Variants in WDR25 observed in about 807,000 individuals in gnomAD.
WDR25 encodes the protein WD repeat domain 25.
In WDR25, 35 loss-of-function variants were observed where a neutral mutation model predicts 47.7. That is an observed-to-expected ratio of 0.73 (90% CI 0.56 to 0.97). The LOEUF (loss-of-function observed/expected upper bound fraction) is 0.97, where lower values mean the gene tolerates loss of function less well. WDR25 is among the 50% of genes least tolerant of loss of function. The pLI is 0.00. For missense variants in WDR25, 634 were observed against 704.7 expected (o/e 0.90, Z 1.14); for synonymous variants, 248 against 278.9 (o/e 0.89, Z 1.10).
rs139856699 is a variant in WDR25 at position 100,426,928 on chromosome 14, C to T, written c.823-41093C>T. Among the ~76,000 whole-genome samples, 270 of 152,280 alleles carry T rather than the reference C, an allele frequency of 1.8e-3. 2 individuals carry two copies. The highest frequency in any genetic ancestry group is 6.3e-3 in the African/African-American group (263 of 41,552). On this transcript the variant is annotated intron_variant, in intron 2 of 6. Transcript: ENST00000402312. ...GTGTCTATTACTTGTGTGGTGGTTTCTCTAGTGGCAGCTAGTGAAATCTCA... is the reference window on the plus strand; with the variant it reads ...GTGTCTATTACTTGTGTGGTGGTTTTTCTAGTGGCAGCTAGTGAAATCTCA...
At chr14:100,388,820 C>T (rs1433181272) in intron 2 of WDR25, among the ~76,000 whole-genome samples, 3 of 152,122 alleles carry the variant, frequency 2.0e-5, no homozygotes, top group African/African-American at 7.2e-5. Flanking sequence ...TTCAGTGTAC[C>T]AAGGGCGGGG....
intron 1 of WDR25, among the ~76,000 whole-genome samples, chr14:100,379,480 C>G (rs1376679144): frequency 6.6e-6 from 1 of 151,102 alleles, no homozygotes; most frequent in Non-Finnish European, 1.5e-5. Context: ...CTCCACCTCC[C>G]GGGTTCAAGC....
chr14:100,460,195 C>T (rs936790599), intron 2 of WDR25, among the ~76,000 whole-genome samples: 2 of 150,422 alleles, frequency 1.3e-5, no homozygotes, highest in African/African-American at 4.9e-5. Flanking sequence ...TTACTGCAAG[C>T]TCCACCTCCT....
chr14:100,452,494 C>T (rs901474179), intron 2 of WDR25, among the ~76,000 whole-genome samples: 2 of 152,150 alleles, frequency 1.3e-5, no homozygotes, highest in African/African-American at 2.4e-5. Flanking sequence ...GTTCAGGGAA[C>T]ATCTCTCTGA....
At chr14:100,434,661 A>G (rs1898445751) in intron 2 of WDR25, among the ~76,000 whole-genome samples, 1 of 152,146 alleles carries the variant, frequency 6.6e-6, no homozygotes, top group African/African-American at 2.4e-5. Context: ...TGTGTGAACC[A>G]CGGACATTTC....
At chr14:100,451,758 A>G (rs1378388816) in intron 2 of WDR25, among the ~76,000 whole-genome samples, 1 of 152,212 alleles carries the variant, frequency 6.6e-6, no homozygotes, top group Admixed American at 6.5e-5. Flanking sequence ...CATACAGTCC[A>G]ACTGGATGAC....
intron 2 of WDR25, among the ~76,000 whole-genome samples, chr14:100,439,990 G>A (rs1490833364): frequency 6.6e-6 from 1 of 152,198 alleles, no homozygotes; most frequent in African/African-American, 2.4e-5. Flanking sequence ...TCCAGTGCAT[G>A]TTCAGGTCCA....
chr14:100,400,026 T>A (rs967561761), intron 2 of WDR25, among the ~76,000 whole-genome samples: 1 of 152,176 alleles, frequency 6.6e-6, no homozygotes, highest in Non-Finnish European at 1.5e-5. Flanking sequence ...TTTAAAGGAC[T>A]TGGGGGAAAG....
Position 100,410,200 on chromosome 14 carries a change from A to C in WDR25, c.822+28454A>C, listed in dbSNP as rs1465099128. 2.0e-5 allele frequency among the ~76,000 whole-genome samples: 3 copies of C among 152,116 alleles called. No individual in the cohort carries two copies. The East Asian group carries it at 5.8e-4, about 29-fold the overall frequency. ...AAAGCCAGCGCTCCCTTCGTCAAAC[A>C]CGTCAGTGCTCGTCCCTGGCCTAGG... On this transcript the variant is annotated intron_variant, in intron 2 of 6. Coordinates refer to ENST00000402312, the MANE Select transcript of WDR25 (RefSeq NM_001161476.3).
rs1005012709 is a variant in WDR25, at chr14:100,499,689, A to G, written c.1101+15565A>G. ...GGAAGAAAGCCACCTCCTTCTTGAG[A>G]CAGGAAGGAAGTGGGGCTGGGAGAT... On this transcript the variant is annotated intron_variant, in intron 4 of 6. Coordinates refer to ENST00000402312, the MANE Select transcript of WDR25 (RefSeq NM_001161476.3). This position sits in a 1 kb window ranked among gnomAD's most constrained non-coding sequence, Gnocchi z 4.4. 2.6e-5 allele frequency among the ~76,000 whole-genome samples: 4 copies of G among 152,108 alleles called. No homozygotes were observed. Among genetic ancestry groups the G allele is most frequent in the Non-Finnish European group, 4.4e-5 (3 of 68,032 alleles).
intron 4 of WDR25, among the ~76,000 whole-genome samples, chr14:100,520,892 C>CTG (rs2029870156): frequency 6.6e-6 from 1 of 152,166 alleles, no homozygotes; most frequent in Non-Finnish European, 1.5e-5. Flanking sequence ...CCCAAAGTAA[C>CTG]TGTGCTTCAG....
intron 2 of WDR25, among the ~76,000 whole-genome samples, chr14:100,390,424 T>TGTGTGTGTGTGC (rs1490326358): frequency 2.1e-5 from 3 of 144,714 alleles, no homozygotes; most frequent in Non-Finnish European, 4.6e-5. Flanking sequence ...TGTGTGTGTG[T>TGTGTGTGTGTGC]GTGCATGCAC....
At chr14:100,379,354 C>T (rs2140132123) in intron 1 of WDR25, among the ~76,000 whole-genome samples, 1 of 150,816 alleles carries the variant, frequency 6.6e-6, no homozygotes, top group African/African-American at 2.4e-5. Flanking sequence ...GTCTCTTTCT[C>T]TGTAGGCATT....
intron 5 of WDR25, among the ~76,000 whole-genome samples, chr14:100,528,369 G>C (rs1227610459): frequency 6.6e-6 from 1 of 151,858 alleles, no homozygotes; most frequent in Non-Finnish European, 1.5e-5. Context: ...AGCCCTCCAA[G>C]CCAGCATCTT....
At chr14:100,405,061 A>G (rs2140178219) in intron 2 of WDR25, among the ~76,000 whole-genome samples, 1 of 151,800 alleles carries the variant, frequency 6.6e-6, no homozygotes, top group East Asian at 1.9e-4. Flanking sequence ...TGAATTTTTT[A>G]TCTGTGGAAG....
At chr14:100,433,465 TG>T (rs1484405266) in intron 2 of WDR25, among the ~76,000 whole-genome samples, 1 of 152,256 alleles carries the variant, frequency 6.6e-6, no homozygotes, top group African/African-American at 2.4e-5. Flanking sequence ...GTTTCTTCAG[TG>T]TAGTTAATAT....
intron 2 of WDR25, among the ~76,000 whole-genome samples, chr14:100,462,950 C>T (rs944855649): frequency 1.1e-5 from 1 of 93,140 alleles, no homozygotes; most frequent in South Asian, 5.0e-4. Flanking sequence ...TCTCTTCTCT[C>T]CCCCTTCCTC....
At chr14:100,507,654 T>G (rs1416375993) in intron 4 of WDR25, among the ~76,000 whole-genome samples, 1 of 151,530 alleles carries the variant, frequency 6.6e-6, no homozygotes, top group Non-Finnish European at 1.5e-5. Context: ...TATTTGTGTT[T>G]TTTTTTTTTT....
At chr14:100,418,591 T>A (rs1296892841) in intron 2 of WDR25, among the ~76,000 whole-genome samples, 1 of 150,416 alleles carries the variant, frequency 6.6e-6, no homozygotes, top group Non-Finnish European at 1.5e-5. Flanking sequence ...GAGCCAAGAT[T>A]GTGCCACTGC....
Sources: allele counts gnomAD v4.1 joint callset (sites outside exome capture counted in the v4.1 genomes callset), GRCh38; gene constraint gnomAD v4.1.1; non-coding constraint Gnocchi (gnomAD v3.1); transcripts MANE v1.5; gene names NCBI Gene and HGNC (gene_info 2026-07-23, HGNC 2026-07-21).